AP4S1: variants seen among roughly 807,000 people sequenced by gnomAD.
AP4S1 encodes the protein AP-4 complex subunit sigma-1.
A neutral mutation model predicts 19.8 loss-of-function variants in AP4S1; 23 were observed. The ratio of observed to expected loss-of-function variants is 1.16; its 90% CI spans 0.84 to 1.65. The LOEUF is 1.65. AP4S1 is among the 40% of genes most tolerant of loss of function. AP4S1 has a pLI of 0.00. For synonymous variants in AP4S1, 46 were observed against 54.1 expected, an observed-to-expected ratio of 0.85 and a Z score of 0.66; for missense variants, 166 against 172.8, an observed-to-expected ratio of 0.96 and a Z score of 0.22.
At position 31,054,492 on chromosome 14, in the gene AP4S1, G is replaced by T. The variant is rs563037863; in HGVS notation, c.-71-11634G>T. On this transcript the variant is annotated intron_variant, in intron 1 of 5. Transcript: ENST00000542754. ...AGATCAGGAGTTTGGGGCCAGCCTG[G>T]CCTATATGGTGAAACCCTGTCTCTA... 3.9e-5 allele frequency among the ~76,000 whole-genome samples: 6 copies of T among 152,176 alleles called. No individual in the cohort carries two copies. The South Asian group carries it at 1.2e-3, about 32-fold the overall frequency.
intron 2 of AP4S1, 55 bp downstream of exon 2, chr14:31,066,389 T>G (rs966526021): frequency 1.1e-4 from 173 of 1,608,950 alleles, no homozygotes; most frequent in Non-Finnish European, 1.3e-4. Flanking sequence ...TTGGCAGATT[T>G]GTTATTAGTG....
At chr14:31,029,286 CT>C (rs1182254488) in intron 1 of AP4S1, among the ~76,000 whole-genome samples, 1 of 152,180 alleles carries the variant, frequency 6.6e-6, no homozygotes, top group African/African-American at 2.4e-5. Context: ...AGGTATGATT[CT>C]GTCATTCCTC....
chr14:31,070,006 AT>A (rs1176095958), intron 3 of AP4S1, 77 bp downstream of exon 3: 31 of 1,292,436 alleles, frequency 2.4e-5, no homozygotes, highest in Non-Finnish European at 2.9e-5. Context: ...GACTCTCTTG[AT>A]TTTTTTTAGA....
At position 31,084,645 on chromosome 14, in the gene AP4S1, G is replaced by C; in HGVS notation, c.306+4061G>C. 3 of 1,487,216 alleles carry C rather than the reference G, an allele frequency of 2.0e-6. No homozygotes were observed. The South Asian group carries it at 3.6e-5, about 18-fold the overall frequency. 92.1% of individuals were successfully genotyped at this position (1,487,216 alleles called of 1,614,324 possible). On this transcript the variant is annotated intron_variant, in intron 5 of 5. Coordinates refer to ENST00000542754, the MANE Select transcript of AP4S1 (RefSeq NM_001128126.3). ...TGCACTCTTCAGTTCCACTCCACCCGCCCGGCTGAAGTGAGGCCTGAAGAT... is the reference window on the plus strand; with the variant it reads ...TGCACTCTTCAGTTCCACTCCACCCCCCCGGCTGAAGTGAGGCCTGAAGAT...
At chr14:31,071,888 CTTTTA>C (rs1406629527) in intron 3 of AP4S1, among the ~76,000 whole-genome samples, 1 of 148,574 alleles carries the variant, frequency 6.7e-6, no homozygotes, top group East Asian at 2.1e-4. Flanking sequence ...GATATTTTTA[CTTTTA>C]TTTATTTATT....
In AP4S1 at chr14:31,093,149, C is replaced by A; in HGVS notation, c.*114C>A. On this transcript the variant is annotated 3_prime_UTR_variant, in exon 6 of 6. Coordinates refer to ENST00000542754, the MANE Select transcript of AP4S1 (RefSeq NM_001128126.3). ...AGACCACAATTACAAAATGGGGTAT[C>A]CTTCCAAAGACATTATAAATAGGCA... is the stretch of plus-strand genomic sequence containing the variant. 1.0e-5 allele frequency: 11 copies of A among 1,090,438 alleles called. No homozygotes were observed. Among genetic ancestry groups the A allele is most frequent in the Non-Finnish European group, 1.4e-5 (11 of 783,450 alleles). 67.5% of individuals were successfully genotyped at this position (1,090,438 alleles called of 1,614,324 possible).
chr14:31,071,419 AAAG>A (rs754039796), intron 3 of AP4S1, among the ~76,000 whole-genome samples: 4 of 152,222 alleles, frequency 2.6e-5, no homozygotes, highest in South Asian at 4.1e-4. Flanking sequence ...ACTTCAAAAA[AAAG>A]AAAAAAAGAT....
intron 1 of AP4S1, among the ~76,000 whole-genome samples, chr14:31,054,573 T>G (rs547864391): frequency 9.1e-4 from 139 of 152,154 alleles, no homozygotes; most frequent in Middle Eastern, 6.8e-3. Context: ...TCCCAGCTAC[T>G]TGGGAGGCTG....
chr14:31,041,018 G>A (rs893826497), intron 1 of AP4S1, among the ~76,000 whole-genome samples: 1 of 149,550 alleles, frequency 6.7e-6, no homozygotes, highest in Non-Finnish European at 1.5e-5. Context: ...GGAGCTAACA[G>A]TGAGCTGAGA....
intron 5 of AP4S1, chr14:31,085,960 C>G (rs192113066): frequency 2.5e-6 from 1 of 397,330 alleles, no homozygotes; most frequent in Non-Finnish European, 3.4e-6. Context: ...TGTGTGCACT[C>G]TCTGTGACTC....
At chr14:31,087,172 G>T (rs1045615233) in intron 5 of AP4S1, among the ~76,000 whole-genome samples, 1 of 152,062 alleles carries the variant, frequency 6.6e-6, no homozygotes, top group African/African-American at 2.4e-5. Context: ...ATAGGGCTGG[G>T]TGAGTCACTG....
intron 1 of AP4S1, among the ~76,000 whole-genome samples, chr14:31,033,224 T>G (rs775857444): frequency 1.2e-4 from 18 of 152,228 alleles, no homozygotes; most frequent in Middle Eastern, 3.4e-3. Context: ...TGTTTAATTT[T>G]TTTTTTTGAG....
chr14:31,048,412 A>G (rs1472734203), intron 1 of AP4S1, among the ~76,000 whole-genome samples: 1 of 151,870 alleles, frequency 6.6e-6, no homozygotes, highest in Non-Finnish European at 1.5e-5. Flanking sequence ...TGCCTGGCCT[A>G]TTTTTGTAAT....
intron 1 of AP4S1, among the ~76,000 whole-genome samples, chr14:31,035,206 T>C (rs935535228): frequency 6.8e-6 from 1 of 146,468 alleles, no homozygotes; most frequent in Non-Finnish European, 1.5e-5. Context: ...TTTTTTTTTT[T>C]TTTTTTTGAG....
At chr14:31,026,829 A>G (rs1884012453) in intron 1 of AP4S1, 1 of 152,308 alleles carries the variant, frequency 6.6e-6, no homozygotes, top group South Asian at 2.1e-4. Context: ...GGCCGACCGC[A>G]TCCCGTCTCG....
At chr14:31,027,569 C>G (rs367953955) in intron 1 of AP4S1, among the ~76,000 whole-genome samples, 2 of 152,054 alleles carry the variant, frequency 1.3e-5, no homozygotes, top group Non-Finnish European at 2.9e-5. Context: ...GGCTGAGGCA[C>G]GAGAATTGCT....
chr14:31,092,038 A>G (rs529520512), intron 5 of AP4S1, among the ~76,000 whole-genome samples: 2 of 152,328 alleles, frequency 1.3e-5, no homozygotes, highest in African/African-American at 2.4e-5. Flanking sequence ...GGTTTGCTAG[A>G]CATCATAGTC....
At chr14:31,049,424 AAAAAATAT>A (rs1297099965) in intron 1 of AP4S1, among the ~76,000 whole-genome samples, 31 of 44,200 alleles carry the variant, frequency 7.0e-4, no homozygotes, top group Middle Eastern at 0.011. Flanking sequence ...AAAAAAAAAA[AAAAAATAT>A]ATATATATAT....
At chr14:31,043,272 A>G (rs565398317) in intron 1 of AP4S1, among the ~76,000 whole-genome samples, 1 of 152,280 alleles carries the variant, frequency 6.6e-6, no homozygotes, top group Admixed American at 6.5e-5. Flanking sequence ...TTTAATGCCA[A>G]ATTAATCAAA....
Sources: gnomAD v4.1 joint callset for allele counts (sites outside exome capture counted in the v4.1 genomes callset) on GRCh38, gnomAD v4.1.1 for gene constraint, MANE v1.5 for transcripts, NCBI Gene and HGNC (gene_info 2026-07-23, HGNC 2026-07-21) for gene names.